ECSCR: variants seen among roughly 807,000 people sequenced by gnomAD.
ECSCR encodes endothelial cell-specific chemotaxis regulator.
A neutral mutation model predicts 16.7 loss-of-function variants in ECSCR; 12 were observed. That is an observed-to-expected ratio of 0.72 (90% CI 0.46 to 1.17). The LOEUF (loss-of-function observed/expected upper bound fraction) is 1.17. ECSCR is among the 50% of genes most tolerant of loss of function. The pLI, the probability that ECSCR is intolerant of heterozygous loss-of-function variation, is 0.00. For missense variants in ECSCR, 122 were observed against 116.1 expected, an observed-to-expected ratio of 1.05 and a Z score of -0.23; for synonymous variants, 44 against 42.2, an observed-to-expected ratio of 1.04 and a Z score of -0.17.
intron 1 of ECSCR, among the ~76,000 whole-genome samples, chr5:139,462,376 G>A (rs1751323776): frequency 6.6e-6 from 1 of 152,274 alleles, no homozygotes; most frequent in African/African-American, 2.4e-5. Context: ...CCTTTATGGG[G>A]AGCCCAGCTC....
Position 139,462,599 on chromosome 5 carries a change from G to C in ECSCR, c.61+11C>G. On this transcript the variant is annotated intron_variant, in intron 1 of 9. Coordinates refer to ENST00000618155, the MANE Select transcript of ECSCR (RefSeq NM_001077693.4). ...AGGAATTGCCATGGGAAAGCGGCAG[G>C]CACCTCTTACCTCGGAACAGGAGGA... The C allele has an allele frequency of 6.3e-7, 1 of 1,593,144 alleles. No homozygotes were observed.
At chr5:139,462,045 C>T (rs1751317592) in intron 1 of ECSCR, among the ~76,000 whole-genome samples, 1 of 152,176 alleles carries the variant, frequency 6.6e-6, no homozygotes, top group South Asian at 2.1e-4. Context: ...CTCTAGCCCC[C>T]TGGATGTGAG....
At chr5:139,461,784 C>G (rs191155821) in intron 1 of ECSCR, among the ~76,000 whole-genome samples, 1 of 152,192 alleles carries the variant, frequency 6.6e-6, no homozygotes, top group Non-Finnish European at 1.5e-5. Context: ...CACCCCTCCC[C>G]ATCTGAGCCC....
Position 139,454,239 on chromosome 5 carries a change from C to T in ECSCR, c.512+363G>A, listed in dbSNP as rs1326214574. On this transcript the variant is annotated intron_variant, in intron 8 of 9. Coordinates refer to ENST00000618155, the MANE Select transcript of ECSCR (RefSeq NM_001077693.4). ...TGTGTGGGAGTGTGTGTGTGGGGGT[C>T]GTGTGGTGTGTGAGATGTGCGTCTA... 7.9e-5 allele frequency among the ~76,000 whole-genome samples: 6 copies of T among 75,562 alleles called. No homozygotes were observed. In the South Asian group the frequency reaches 2.1e-3, roughly 26 times the overall value. 49.6% of individuals were successfully genotyped at this position (75,562 alleles called of 152,430 possible).
intron 1 of ECSCR, 77 bp downstream of exon 1, chr5:139,462,533 C>G (rs1027984459): frequency 8.4e-6 from 12 of 1,425,046 alleles, no homozygotes; most frequent in African/African-American, 1.4e-5. Flanking sequence ...GCATGTGTCT[C>G]CTGAGAAAGA....
rs1342192799 is a variant in ECSCR, at chr5:139,458,168, G to A, written c.77C>T (p.Pro26Leu). The A allele has an allele frequency of 1.3e-6, 2 of 1,549,596 alleles. No homozygotes were observed. Among genetic ancestry groups the A allele is most frequent in the Non-Finnish European group, 1.7e-6 (2 of 1,146,980 alleles). The change falls in exon 2 of 10, where the codon CCC becomes CTC. Residue 26 changes from proline (P) to leucine (L), a missense_variant. Physicochemically the swap from Pro to Leu is moderately conservative, Grantham distance 98. Coordinates refer to ENST00000618155, the MANE Select transcript of ECSCR (RefSeq NM_001077693.4). Reference protein sequence around the residue: ...FLLFRGHNSQPTMTQTSSSQG... With the variant: ...FLLFRGHNSQLTMTQTSSSQG... ...AGAGCTAGAGGTCTGGGTCATTGTG[G>A]GCTGGGAGTTGTGGCCTGCAAGAGA... is the stretch of plus-strand genomic sequence containing the variant.
At position 139,451,901 on chromosome 5, in the gene ECSCR, T is replaced by C. The variant is rs951359424; in HGVS notation, c.512+2701A>G. Among the ~76,000 whole-genome samples the C allele has an allele frequency of 5.5e-5, 8 of 144,426 alleles. No homozygotes were observed. The East Asian group carries it at 1.7e-3, about 31-fold the overall frequency. 94.7% of individuals were successfully genotyped at this position (144,426 alleles called of 152,430 possible). ...ATAGGGTGTGGGGTGTGTGTGTTTG[T>C]GCTGTGGATGTGTGGTGTATGGGGC... On this transcript the variant is annotated intron_variant, in intron 8 of 9. Coordinates refer to ENST00000618155, the MANE Select transcript of ECSCR (RefSeq NM_001077693.4).
chr5:139,462,555 A>T, intron 1 of ECSCR, 55 bp downstream of exon 1: 1 of 1,529,112 alleles, frequency 6.5e-7, no homozygotes, highest in South Asian at 1.2e-5. Flanking sequence ...ACCGATGCCT[A>T]GAATGGCCAG....
At position 139,448,863 on chromosome 5, in the gene ECSCR, G is replaced by A. The variant is rs1470711205; in HGVS notation, c.*37C>T. 4 of 1,536,862 alleles carry A rather than the reference G, an allele frequency of 2.6e-6. No individual in the cohort carries two copies. Among genetic ancestry groups the A allele is most frequent in the Admixed American group, 3.9e-5 (2 of 50,928 alleles). ...TCCTCCTTGTAGTCACAGGGCAGCT[G>A]CATCATCCTTGGACTCATGGGGACC... On this transcript the variant is annotated 3_prime_UTR_variant, in exon 10 of 10. Transcript: ENST00000618155.
intron 5 of ECSCR, among the ~76,000 whole-genome samples, 187 bp downstream of exon 5, chr5:139,456,287 C>T (rs1751157636): frequency 6.6e-6 from 1 of 152,156 alleles, no homozygotes; most frequent in African/African-American, 2.4e-5. Context: ...GCTATGTCAC[C>T]TGTGTCTTCC....
At chr5:139,451,291 TG>T (rs1001885119) in intron 8 of ECSCR, among the ~76,000 whole-genome samples, 1 of 147,290 alleles carries the variant, frequency 6.8e-6, no homozygotes, top group Non-Finnish European at 1.5e-5. Flanking sequence ...ATGTGATGTG[TG>T]GGGGAGTGTG....
chr5:139,452,282 G>GTGTGGTGTATGCATAGTGA (rs1751074802), intron 8 of ECSCR, among the ~76,000 whole-genome samples: 25 of 149,270 alleles, frequency 1.7e-4, no homozygotes, highest in African/African-American at 2.7e-4. Context: ...TGTGGGGTGT[G>GTGTGGTGTATGCATAGTGA]GGGTGTGTGG....
chr5:139,448,677 G>A lies in ECSCR; in HGVS notation c.*223C>T. 1 of 1,350,530 alleles carries A rather than the reference G, an allele frequency of 7.4e-7. No individual in the cohort carries two copies. 83.7% of individuals were successfully genotyped at this position (1,350,530 alleles called of 1,614,324 possible). A position where few individuals can be genotyped will look rare whatever the true frequency, so the allele number is the denominator to read the frequency against. On this transcript the variant is annotated 3_prime_UTR_variant, in exon 10 of 10. Transcript: ENST00000618155. ...TGGCTCTGAGGAGGTGGGAGAAGCA[G>A]GCAGTATTTCCACAGCAGCTGTCCA...
chr5:139,461,959 G>A (rs767652351), intron 1 of ECSCR, among the ~76,000 whole-genome samples: 16 of 152,128 alleles, frequency 1.1e-4, no homozygotes, highest in Non-Finnish European at 1.8e-4. Context: ...CCCTATGAGC[G>A]GCTTCACAAC....
intron 4 of ECSCR, 96 bp downstream of exon 4, chr5:139,457,449 G>C (rs959061008): frequency 6.5e-6 from 5 of 772,070 alleles, no homozygotes; most frequent in Non-Finnish European, 1.2e-5. Flanking sequence ...GTCTGTTCCC[G>C]CTCGCCCCAG....
Position 139,455,429 on chromosome 5 carries a change from A to G in ECSCR, c.270T>C (p.Phe90=), listed in dbSNP as rs1009596611. Residue 90 remains phenylalanine, a synonymous_variant, in exon 6 of 10, where the codon TTT becomes TTC. Coordinates refer to ENST00000618155, the MANE Select transcript of ECSCR (RefSeq NM_001077693.4). ...TGGTTGAATTGGGGGGAACAGTTTG[A>G]AATGTGTCTAAAATGGAGTGGAGTC... ...GRDGGTSRDT[F]QTVPPNSTTM... The G allele has an allele frequency of 1.5e-5, 6 of 398,330 alleles. No homozygotes were observed. The highest frequency in any genetic ancestry group is 2.7e-5 in the Non-Finnish European group (6 of 226,022). The allele number at this position is 398,330 out of a possible 1,614,324, so 24.7% of individuals were successfully genotyped here. A position where few individuals can be genotyped will look rare whatever the true frequency, so the allele number is the denominator to read the frequency against.
chr5:139,458,544 G>T (rs1453931330), intron 1 of ECSCR, among the ~76,000 whole-genome samples: 1 of 122,308 alleles, frequency 8.2e-6, no homozygotes, highest in African/African-American at 3.4e-5. Flanking sequence ...GAAAGAAAAA[G>T]AAAAAAGAAA....
At chr5:139,449,792 G>C (rs780980538) in intron 8 of ECSCR, among the ~76,000 whole-genome samples, 6 of 152,136 alleles carry the variant, frequency 3.9e-5, no homozygotes, top group Non-Finnish European at 7.3e-5. Flanking sequence ...CACGATCACA[G>C]CTCACTGCAG....
chr5:139,453,905 T>C (rs2052233401), intron 8 of ECSCR, among the ~76,000 whole-genome samples: 1 of 141,880 alleles, frequency 7.0e-6, no homozygotes, highest in African/African-American at 2.7e-5. Flanking sequence ...GTGTGTACAG[T>C]ATAAGGTGTG....
Sources: gnomAD v4.1 joint callset for allele counts (sites outside exome capture counted in the v4.1 genomes callset) on GRCh38, gnomAD v4.1.1 for gene constraint, MANE v1.5 for transcripts, NCBI Gene and HGNC (gene_info 2026-07-23, HGNC 2026-07-21) for gene names.